The following PKP4 variants were observed in gnomAD, a reference collection of about 807,000 sequenced individuals.
PKP4 encodes the protein plakophilin-4.
In PKP4, 90 loss-of-function variants were observed where a neutral mutation model predicts 145.1. The ratio of observed to expected loss-of-function variants is 0.62; its 90% CI spans 0.52 to 0.74. PKP4 has a LOEUF of 0.74. PKP4 is among the 30% of genes least tolerant of loss of function. The pLI, the probability that PKP4 is intolerant of heterozygous loss-of-function variation, is 0.00. For missense variants in PKP4, 1,340 were observed against 1,482.7 expected, an observed-to-expected ratio of 0.90 and a Z score of 1.58; for synonymous variants, 563 against 577.2, an observed-to-expected ratio of 0.98 and a Z score of 0.35.
At chr2:158,579,062 C>T (rs2048106119) in intron 3 of PKP4, among the ~76,000 whole-genome samples, 1 of 152,108 alleles carries the variant, frequency 6.6e-6, no homozygotes, top group Admixed American at 6.5e-5. Context: ...TTAAAGGACC[C>T]CATGATTAGC....
Position 158,524,357 on chromosome 2 carries a change from C to T in PKP4, c.-5-8823C>T, listed in dbSNP as rs1453017229. Among the ~76,000 whole-genome samples the T allele has an allele frequency of 2.4e-3, 173 of 73,616 alleles. 4 individuals are homozygous for T. The East Asian group carries it at 0.03, about 13-fold the overall frequency. The allele number at this position is 73,616 out of a possible 152,430, so 48.3% of individuals were successfully genotyped here. ...ATTCTTAAAGAAAAGAATTTTCAAC[C>T]CAGAATTTCATATCCAGCCAAACTA... On this transcript the variant is annotated intron_variant, in intron 1 of 21. Coordinates refer to ENST00000389759, the MANE Select transcript of PKP4 (RefSeq NM_003628.6).
rs190025119 is a variant in PKP4 at position 158,674,050 on chromosome 2, A to G, written c.3127+50A>G. On this transcript the variant is annotated intron_variant, in intron 19 of 21. Coordinates refer to ENST00000389759, the MANE Select transcript of PKP4 (RefSeq NM_003628.6). ...GGCGAGAACCTTTGTGTGACAGAAC[A>G]TTGTTCCCCAGCCAGAGAAGATCAA... is the stretch of plus-strand genomic sequence containing the variant. 7.4e-5 allele frequency: 73 copies of G among 988,642 alleles called. 1 individual carries two copies. The highest frequency in any genetic ancestry group is 1.1e-4 in the Non-Finnish European group (64 of 608,130). 61.2% of individuals were successfully genotyped at this position (988,642 alleles called of 1,614,324 possible). A position where few individuals can be genotyped will look rare whatever the true frequency, so the allele number is the denominator to read the frequency against.
At chr2:158,586,281 T>C (rs2048798379) in intron 3 of PKP4, among the ~76,000 whole-genome samples, 1 of 152,182 alleles carries the variant, frequency 6.6e-6, no homozygotes, top group African/African-American at 2.4e-5. Context: ...ATTCTTAAGT[T>C]GGGAGAGGTG....
At chr2:158,612,002 T>A (rs2051189111) in intron 4 of PKP4, among the ~76,000 whole-genome samples, 1 of 148,844 alleles carries the variant, frequency 6.7e-6, no homozygotes, top group African/African-American at 2.5e-5. Flanking sequence ...AAGATGAAAA[T>A]AAGATATGCT....
At chr2:158,477,810 A>G (rs1339786731) in intron 1 of PKP4, among the ~76,000 whole-genome samples, 1 of 152,176 alleles carries the variant, frequency 6.6e-6, no homozygotes, top group East Asian at 1.9e-4. Context: ...CTACCTGTGA[A>G]TAGCTACTGC....
chr2:158,640,563 GT>G, intron 9 of PKP4, 63 bp from the exon 10 acceptor site: 4 of 1,561,758 alleles, frequency 2.6e-6, no homozygotes, highest in Admixed American at 1.9e-5. Context: ...TATACCAAGT[GT>G]TTTTTTCAGT....
chr2:158,599,663 T>C (rs1422925608), intron 3 of PKP4, among the ~76,000 whole-genome samples: 1 of 152,220 alleles, frequency 6.6e-6, no homozygotes, highest in Non-Finnish European at 1.5e-5. Flanking sequence ...GAATCTTCTC[T>C]GGCTTATGTA....
chr2:158,550,222 A>G lies in PKP4; in HGVS notation c.132+16906A>G, dbSNP rs185292823. Among the ~76,000 whole-genome samples the G allele has an allele frequency of 8.8e-5, 11 of 124,940 alleles. 1 individual carries two copies. Among genetic ancestry groups the G allele is most frequent in the Admixed American group, 6.4e-4 (8 of 12,532 alleles). 82.0% of individuals were successfully genotyped at this position (124,940 alleles called of 152,430 possible). On this transcript the variant is annotated intron_variant, in intron 2 of 21. Transcript: ENST00000389759. ...TTGTAATGTGTATCAAAGTGGATTCATGAATGAATCTATAGCAGTATTTTG... is the reference window on the plus strand; with the variant it reads ...TTGTAATGTGTATCAAAGTGGATTCGTGAATGAATCTATAGCAGTATTTTG...
At chr2:158,594,368 T>G (rs1220730216) in intron 3 of PKP4, among the ~76,000 whole-genome samples, 2 of 152,240 alleles carry the variant, frequency 1.3e-5, no homozygotes, top group Non-Finnish European at 2.9e-5. Flanking sequence ...TCATTTGTTA[T>G]GCCTTGCTTA....
intron 4 of PKP4, among the ~76,000 whole-genome samples, chr2:158,616,819 A>G (rs1158752257): frequency 6.6e-6 from 1 of 152,136 alleles, no homozygotes; most frequent in African/African-American, 2.4e-5. Context: ...CACACTACAG[A>G]CCCTGTTTCG....
At chr2:158,651,692 T>G (rs550761307) in intron 11 of PKP4, among the ~76,000 whole-genome samples, 1 of 151,736 alleles carries the variant, frequency 6.6e-6, no homozygotes, top group African/African-American at 2.4e-5. Context: ...TCACACACTT[T>G]GAAAAACATC....
chr2:158,679,743 T>A (rs1421242580), intron 21 of PKP4, among the ~76,000 whole-genome samples: 1 of 152,252 alleles, frequency 6.6e-6, no homozygotes, highest in Admixed American at 6.5e-5. Context: ...CACTTACAGA[T>A]GGACTTAGCC....
At chr2:158,655,145 A>G (rs2055789235) in intron 11 of PKP4, among the ~76,000 whole-genome samples, 1 of 152,256 alleles carries the variant, frequency 6.6e-6, no homozygotes, top group African/African-American at 2.4e-5. Flanking sequence ...GAGTAAAGCC[A>G]CAGTAAATGG....
chr2:158,590,479 C>T (rs1479237061), intron 3 of PKP4, among the ~76,000 whole-genome samples: 1 of 151,188 alleles, frequency 6.6e-6, no homozygotes, highest in Non-Finnish European at 1.5e-5. Context: ...GATCTACTTC[C>T]CAGATTTAGT....
chr2:158,559,582 C>T (rs755403964), intron 2 of PKP4, among the ~76,000 whole-genome samples: 1 of 152,080 alleles, frequency 6.6e-6, no homozygotes, highest in Non-Finnish European at 1.5e-5. Flanking sequence ...CTTGCAATTG[C>T]GGCTTCCTGC....
intron 1 of PKP4, among the ~76,000 whole-genome samples, chr2:158,481,129 G>A (rs1693289263): frequency 6.6e-6 from 1 of 152,042 alleles, no homozygotes; most frequent in Non-Finnish European, 1.5e-5. Flanking sequence ...TCACTATGTT[G>A]CCTAGTCTGG....
intron 7 of PKP4, among the ~76,000 whole-genome samples, chr2:158,627,516 T>C (rs1212897575): frequency 1.3e-5 from 2 of 152,108 alleles, no homozygotes; most frequent in African/African-American, 2.4e-5. Flanking sequence ...CTAGAAATAC[T>C]GCAGTGTTCT....
intron 2 of PKP4, among the ~76,000 whole-genome samples, chr2:158,562,687 A>G (rs1372507575): frequency 6.6e-6 from 1 of 152,226 alleles, no homozygotes; most frequent in Non-Finnish European, 1.5e-5. Context: ...TTAAAATATC[A>G]TGTCTACTTT....
chr2:158,498,983 C>A (rs1015534887), intron 1 of PKP4, among the ~76,000 whole-genome samples: 1 of 152,078 alleles, frequency 6.6e-6, no homozygotes, highest in Non-Finnish European at 1.5e-5. Flanking sequence ...ATTAAGCCCA[C>A]GGGGCTGGTG....
Sources: gnomAD v4.1 joint callset for allele counts (sites outside exome capture counted in the v4.1 genomes callset) on GRCh38, gnomAD v4.1.1 for gene constraint, MANE v1.5 for transcripts, NCBI Gene and HGNC (gene_info 2026-07-23, HGNC 2026-07-21) for gene names.